ZMIZ1: variants seen among roughly 807,000 people sequenced by gnomAD.
ZMIZ1 encodes the protein zinc finger MIZ-type containing 1, also known as zinc finger MIZ domain-containing protein 1.
Under a neutral mutation model 113.9 loss-of-function variants are expected in ZMIZ1, and 17 were observed. The ratio of observed to expected loss-of-function variants is 0.15; its 90% confidence interval spans 0.10 to 0.22. The LOEUF is 0.22. Among genes scored for constraint, ZMIZ1 ranks in the 10% least tolerant of loss-of-function variants. ZMIZ1 has a pLI of 1.00. For synonymous variants in ZMIZ1, 607 were observed against 603.1 expected, an observed-to-expected ratio of 1.01 and a Z score of -0.09; for missense variants, 1,059 against 1,477.8, an observed-to-expected ratio of 0.72 and a Z score of 4.65.
chr10:79,201,286 T>C (rs1469132996), intron 4 of ZMIZ1, among the ~76,000 whole-genome samples: 2 of 152,090 alleles, frequency 1.3e-5, no homozygotes, highest in Non-Finnish European at 2.9e-5. Flanking sequence ...CCAGCCTAGG[T>C]GACAAGAGCA....
At chr10:79,146,298 G>T (rs1167968648) in intron 3 of ZMIZ1, among the ~76,000 whole-genome samples, 2 of 152,170 alleles carry the variant, frequency 1.3e-5, no homozygotes, top group Admixed American at 6.5e-5. Context: ...CCACCCTGGG[G>T]TAGTAGCGGA....
At chr10:79,197,015 G>C (rs1847860384) in intron 4 of ZMIZ1, among the ~76,000 whole-genome samples, 2 of 152,210 alleles carry the variant, frequency 1.3e-5, no homozygotes, top group African/African-American at 2.4e-5. Context: ...TGGCCCCCAG[G>C]TCACTTAGGT....
intron 7 of ZMIZ1, among the ~76,000 whole-genome samples, chr10:79,248,814 C>A (rs1850366590): frequency 6.6e-6 from 1 of 152,122 alleles, no homozygotes. Context: ...GCCCAGGAGG[C>A]TTTAAATCAA....
intron 5 of ZMIZ1, among the ~76,000 whole-genome samples, chr10:79,207,013 C>T (rs574161572): frequency 1.3e-5 from 2 of 152,336 alleles, no homozygotes; most frequent in East Asian, 3.9e-4. Context: ...CTGTCATATC[C>T]CCATTTTACA....
chr10:79,201,449 C>A, intron 4 of ZMIZ1, 135 bp from the exon 5 acceptor site: 1 of 670,212 alleles, frequency 1.5e-6, no homozygotes, highest in East Asian at 2.6e-5. Context: ...AGTGGGGTAC[C>A]CCAGGTGCAG....
intron 7 of ZMIZ1, among the ~76,000 whole-genome samples, chr10:79,229,306 G>T (rs963003304): frequency 9.2e-5 from 14 of 152,220 alleles, no homozygotes; most frequent in African/African-American, 3.1e-4. Context: ...CCTCCTTGCC[G>T]GCTGCCTGTG....
rs57304757 is a variant in ZMIZ1, at chr10:79,114,506, C to CGTGTGTGTGTGTGTGTGT, written c.-336-4391_-336-4374dup. Among the ~76,000 whole-genome samples the CGTGTGTGTGTGTGTGTGT allele has an allele frequency of 3.0e-4, 28 of 93,246 alleles. 1 individual carries two copies. The highest frequency in any genetic ancestry group is 1.1e-3 in the African/African-American group (23 of 21,504). The allele number at this position is 93,246 out of a possible 152,430, so 61.2% of individuals were successfully genotyped here. A position where few individuals can be genotyped will look rare whatever the true frequency, so the allele number is the denominator to read the frequency against. ...GTGTGTGTGTGTGCGTGTGTGTGTG[C>CGTGTGTGTGTGTGTGTGT]GTGTGTGTGTGTGTGTGTGTGTGTG... is the stretch of plus-strand genomic sequence containing the variant. On this transcript the variant is annotated intron_variant, in intron 1 of 24. Coordinates refer to ENST00000334512, the MANE Select transcript of ZMIZ1 (RefSeq NM_020338.4).
intron 23 of ZMIZ1, among the ~76,000 whole-genome samples, chr10:79,309,860 G>A (rs932235838): frequency 2.6e-5 from 4 of 152,222 alleles, no homozygotes; most frequent in East Asian, 3.9e-4. Context: ...TGGAGCATCC[G>A]TGAGCCCCTC....
intron 1 of ZMIZ1, among the ~76,000 whole-genome samples, chr10:79,105,263 C>T (rs12256982): frequency 0.34 from 51,339 of 152,028 alleles, 9,469 homozygotes; most frequent in African/African-American, 0.51. Context: ...TGCCTAAGTG[C>T]CTCCGTGTGG....
At chr10:79,221,717 T>G (rs1254559857) in intron 7 of ZMIZ1, among the ~76,000 whole-genome samples, 2 of 152,248 alleles carry the variant, frequency 1.3e-5, no homozygotes, top group African/African-American at 2.4e-5. Flanking sequence ...CTGTCCATGC[T>G]TGAAGAAAGC....
intron 7 of ZMIZ1, among the ~76,000 whole-genome samples, chr10:79,232,489 GAATGTC>G (rs1849431282): frequency 6.6e-6 from 1 of 152,112 alleles, no homozygotes; most frequent in Non-Finnish European, 1.5e-5. Context: ...TCTCTGACAT[GAATGTC>G]AGAGTGTAGA....
At chr10:79,240,638 CTTTTTTTTTTTTT>C (rs56903717) in intron 7 of ZMIZ1, among the ~76,000 whole-genome samples, 2 of 55,314 alleles carry the variant, frequency 3.6e-5, no homozygotes, top group Non-Finnish European at 5.9e-5. Flanking sequence ...GAGTATTTAT[CTTTTTTTTTTTTT>C]TTTTTTTTTT....
chr10:79,305,349 G>A (rs78819681), intron 20 of ZMIZ1, 118 bp downstream of exon 20: 2 of 1,311,824 alleles, frequency 1.5e-6, no homozygotes, highest in Middle Eastern at 1.9e-4. Context: ...ACATGGCAGA[G>A]GGGCTCAGGT....
At chr10:79,158,873 C>T (rs1357420137) in intron 3 of ZMIZ1, among the ~76,000 whole-genome samples, 4 of 152,250 alleles carry the variant, frequency 2.6e-5, no homozygotes, top group Non-Finnish European at 4.4e-5. Flanking sequence ...CCATCCTTCT[C>T]AGTGTCATGT....
rs182698402 is a variant in ZMIZ1, at chr10:79,190,875, C to T, written c.-49-10709C>T. Among the ~76,000 whole-genome samples the T allele has an allele frequency of 2.1e-3, 321 of 152,272 alleles. 2 individuals are homozygous for T. Among genetic ancestry groups the T allele is most frequent in the African/African-American group, 7.2e-3 (299 of 41,548 alleles). ...GGGTAAAGAGCACAAAGTCAGGAAA[C>T]GGGAAGTTTGCATGTGGATCTGCTT... is the stretch of plus-strand genomic sequence containing the variant. On this transcript the variant is annotated intron_variant, in intron 4 of 24. Transcript: ENST00000334512.
intron 7 of ZMIZ1, among the ~76,000 whole-genome samples, chr10:79,221,343 C>A (rs1848961233): frequency 6.6e-6 from 1 of 152,220 alleles, no homozygotes. Context: ...GCAGCAGCCG[C>A]CAGGCAGGCG....
At chr10:79,167,461 C>G (rs1846402624) in intron 4 of ZMIZ1, among the ~76,000 whole-genome samples, 1 of 152,156 alleles carries the variant, frequency 6.6e-6, no homozygotes, top group South Asian at 2.1e-4. Context: ...CAGGCTGTCT[C>G]TGTAGGCAAG....
intron 3 of ZMIZ1, among the ~76,000 whole-genome samples, chr10:79,153,715 A>C (rs1404258995): frequency 1.3e-5 from 2 of 152,208 alleles, no homozygotes. Context: ...AGGCAGAGAG[A>C]GGTGCAGGGA....
chr10:79,134,822 A>G lies in ZMIZ1; in HGVS notation c.-226-4860A>G, dbSNP rs1407233708. Among the ~76,000 whole-genome samples, 3 of 152,168 alleles carry G rather than the reference A, an allele frequency of 2.0e-5. No individual in the cohort carries two copies. In the East Asian group the frequency reaches 5.8e-4, roughly 29 times the overall value. On this transcript the variant is annotated intron_variant, in intron 2 of 24. Coordinates refer to ENST00000334512, the MANE Select transcript of ZMIZ1 (RefSeq NM_020338.4). The stretch of plus-strand genomic sequence containing the variant: ...AAAGTAATTGGTTTAAAGTGATATA[A>G]ATAATTAAATAGTTTTTTTTTTTGA...
Sources: allele counts gnomAD v4.1 joint callset (sites outside exome capture counted in the v4.1 genomes callset), GRCh38; gene constraint gnomAD v4.1.1; transcripts MANE v1.5; gene names NCBI Gene and HGNC (gene_info 2026-07-23, HGNC 2026-07-21).